The following SRSF10 variants were observed in gnomAD, a reference collection of about 807,000 sequenced individuals.
The protein encoded by SRSF10 is serine and arginine rich splicing factor 10.
In SRSF10, 9 loss-of-function variants were observed where a neutral mutation model predicts 32.6. That is an observed-to-expected ratio of 0.28 (90% CI 0.17 to 0.48). The LOEUF is 0.48. Ranked by LOEUF, SRSF10 falls within the 20% of genes least tolerant of loss-of-function variation. The pLI, the probability that SRSF10 is intolerant of heterozygous loss-of-function variation, is 0.99. For synonymous variants in SRSF10, 105 were observed against 112.4 expected (o/e 0.93, Z 0.42); for missense variants, 201 against 331.8 (o/e 0.61, Z 3.06).
At position 23,971,903 on chromosome 1, in the gene SRSF10, TCTC is replaced by T. The variant is rs1386595949; in HGVS notation, c.381_383del (p.Arg128del). 9.3e-6 allele frequency: 15 copies of T among 1,606,506 alleles called. No homozygotes were observed. The highest frequency in any genetic ancestry group is 4.0e-5 in the African/African-American group (3 of 74,280). Reference sequence around the variant, plus strand: ...TGTAATCAAAAGACCGACTTCTTGATCTCCTCCTTTCATAACTTCGGCTTCTAG... The same window carrying T: ...TGTAATCAAAAGACCGACTTCTTGATCTCCTTTCATAACTTCGGCTTCTAG... On this transcript the variant is annotated inframe_deletion, in exon 4 of 6. Transcript: ENST00000492112.
intron 4 of SRSF10, 28 bp downstream of exon 4, chr1:23,971,821 CA>C: frequency 6.4e-7 from 1 of 1,573,504 alleles, no homozygotes; most frequent in Non-Finnish European, 8.6e-7. Context: ...ATTTTTTAAA[CA>C]GATCACTGTG....
rs1247640823 is a variant in SRSF10, at chr1:23,971,361, T to C, written c.570A>G (p.Glu190=). The change falls in exon 6 of 6, where the codon GAA becomes GAG. Residue 190 remains glutamate (E), a synonymous_variant. Coordinates refer to ENST00000492112, the MANE Select transcript of SRSF10 (RefSeq NM_054016.4). The part of the protein sequence containing the change: ...RSRSKSQPKK[E]MKAKSRSRSA... The stretch of plus-strand genomic sequence containing the variant: ...ACCTAGAACGTGATTTAGCCTTCAT[T>C]TCTTTCTTGGGCTGGGACTTGGACC... 1 of 1,612,582 alleles carries C rather than the reference T, an allele frequency of 6.2e-7. No homozygotes were observed. The highest frequency in any genetic ancestry group is 1.7e-5 in the Admixed American group (1 of 59,996).
In SRSF10 at chr1:23,968,784, A is replaced by T. The variant is rs1010115296; in HGVS notation, c.*2358T>A. On this transcript the variant is annotated 3_prime_UTR_variant, in exon 6 of 6. Coordinates refer to ENST00000492112, the MANE Select transcript of SRSF10 (RefSeq NM_054016.4). ...ATTACTGATCCATCCAATAATGAAA[A>T]TATAAACTTGGAATTAGCTGATCCA... Among the ~76,000 whole-genome samples, 1 of 152,244 alleles carries T rather than the reference A, an allele frequency of 6.6e-6. No individual in the cohort carries two copies. The highest frequency in any genetic ancestry group is 1.9e-4 in the East Asian group (1 of 5,202).
At chr1:23,972,125 T>C (rs371700562) in intron 3 of SRSF10, 113 bp from the exon 4 acceptor site, 15,442 of 939,086 alleles carry the variant, frequency 0.016, 154 homozygotes, top group African/African-American at 0.021. Context: ...AGAGAGTATG[T>C]ATGACCCGGG....
Position 23,966,401 on chromosome 1 carries a change from A to T in SRSF10, c.*4741T>A, listed in dbSNP as rs1290778194. 1 of 152,044 alleles carries T rather than the reference A, an allele frequency of 6.6e-6. No individual in the cohort carries two copies. The highest frequency in any genetic ancestry group is 6.6e-5 in the Admixed American group (1 of 15,266). 9.4% of individuals were successfully genotyped at this position (152,044 alleles called of 1,614,324 possible). ...AATGTGATGAAATCAATGTATAGGT[A>T]AAGAAACATCATATCCTAATAAGAA... On this transcript the variant is annotated 3_prime_UTR_variant, in exon 6 of 6. Coordinates refer to ENST00000492112, the MANE Select transcript of SRSF10 (RefSeq NM_054016.4).
chr1:23,971,817 T>A (rs760141127), intron 4 of SRSF10, 33 bp downstream of exon 4: 1 of 1,573,274 alleles, frequency 6.4e-7, no homozygotes, highest in Non-Finnish European at 8.6e-7. Context: ...ATACATTTTT[T>A]AAACAGATCA....
intron 2 of SRSF10, 152 bp downstream of exon 2, chr1:23,978,561 G>A (rs1282404871): frequency 5.2e-6 from 5 of 967,938 alleles, no homozygotes; most frequent in African/African-American, 3.3e-5. Flanking sequence ...AATAACGAGA[G>A]CAATGTGTGA....
At chr1:23,974,942 G>A (rs1302204701) in intron 3 of SRSF10, 32 bp downstream of exon 3, 4 of 1,468,094 alleles carry the variant, frequency 2.7e-6, no homozygotes, top group Non-Finnish European at 3.8e-6. Context: ...AAAAAATAAT[G>A]TTTCATACAT....
At chr1:23,971,514 C>G in intron 5 of SRSF10, 59 bp downstream of exon 5, 1 of 1,590,812 alleles carries the variant, frequency 6.3e-7, no homozygotes. Context: ...ATTTTTAGAG[C>G]AAAAGTTCAC....
intron 1 of SRSF10, 34 bp downstream of exon 1, chr1:23,980,157 C>A: frequency 1.3e-6 from 2 of 1,529,580 alleles, no homozygotes; most frequent in Non-Finnish European, 1.8e-6. Flanking sequence ...TGCGGCCTCC[C>A]CGCCTAGGCC....
At chr1:23,980,026 C>A (rs370275001) in intron 1 of SRSF10, among the ~76,000 whole-genome samples, 165 bp downstream of exon 1, 2,364 of 152,354 alleles carry the variant, frequency 0.016, 26 homozygotes, top group African/African-American at 0.021. Context: ...CGCTCCCACG[C>A]GGCGGCTGAG....
In SRSF10 at chr1:23,967,985, G is replaced by C. The variant is rs1335322767; in HGVS notation, c.*3157C>G. On this transcript the variant is annotated 3_prime_UTR_variant, in exon 6 of 6. Coordinates refer to ENST00000492112, the MANE Select transcript of SRSF10 (RefSeq NM_054016.4). ...CAAAAAAAAAAAAAAAATGCAGAGA[G>C]ATCTTAAGTAAAAGGAGAGGTGAAG... The C allele has an allele frequency of 6.5e-7, 1 of 1,536,798 alleles. No individual in the cohort carries two copies. The highest frequency in any genetic ancestry group is 1.2e-5 in the South Asian group (1 of 83,612).
Position 23,967,702 on chromosome 1 carries a change from G to A in SRSF10, c.*3440C>T. 2 of 1,607,340 alleles carry A rather than the reference G, an allele frequency of 1.2e-6. No individual in the cohort carries two copies. Among genetic ancestry groups the A allele is most frequent in the Non-Finnish European group, 1.7e-6 (2 of 1,174,208 alleles). On this transcript the variant is annotated 3_prime_UTR_variant, in exon 6 of 6. Coordinates refer to ENST00000492112, the MANE Select transcript of SRSF10 (RefSeq NM_054016.4). ...AAGTGTAGTAAGCAGAACTGTACTG[G>A]GTATTCCAGCTGCAGTTTGGTCTTA...
At chr1:23,978,931 G>T in intron 1 of SRSF10, 114 bp from the exon 2 acceptor site, 1 of 883,912 alleles carries the variant, frequency 1.1e-6, no homozygotes, top group Non-Finnish European at 1.7e-6. Flanking sequence ...AGATAAAAAT[G>T]CAGTTTACAT....
chr1:23,978,698 C>CTGAA lies in SRSF10; in HGVS notation c.170+11_170+14dup. ...TCAACACCCCTCACTAATCAGCCAT[C>CTGAA]TGAAGAAAGGATATTGAACATAAGC... On this transcript the variant is annotated intron_variant, in intron 2 of 5. Transcript: ENST00000492112. The CTGAA allele has an allele frequency of 6.2e-7, 1 of 1,606,848 alleles. No homozygotes were observed. The highest frequency in any genetic ancestry group is 2.2e-5 in the East Asian group (1 of 44,708).
intron 3 of SRSF10, 113 bp downstream of exon 3, chr1:23,974,857 GAAAA>G: frequency 1.3e-6 from 1 of 752,358 alleles, no homozygotes; most frequent in South Asian, 1.7e-5. Flanking sequence ...AAGAAAGAAA[GAAAA>G]AAAAGATCCC....
intron 2 of SRSF10, chr1:23,975,870 T>C (rs1642054860): frequency 6.6e-6 from 1 of 152,346 alleles, no homozygotes; most frequent in South Asian, 2.1e-4. Flanking sequence ...GGTTTCCAAC[T>C]TGAGAATTTC....
At position 23,965,860 on chromosome 1, in the gene SRSF10, A is replaced by G. The variant is rs2148491359; in HGVS notation, c.*5282T>C. The G allele has an allele frequency of 6.6e-6, 1 of 152,066 alleles. No individual in the cohort carries two copies. Among genetic ancestry groups the G allele is most frequent in the Non-Finnish European group, 1.5e-5 (1 of 67,822 alleles). 9.4% of individuals were successfully genotyped at this position (152,066 alleles called of 1,614,324 possible). On this transcript the variant is annotated 3_prime_UTR_variant, in exon 6 of 6. Transcript: ENST00000492112. ...CCCCCTTAAATGTCTTAACTTCAAA[A>G]GGAAATGGAGAAGGGAGGTAGAGGG... is the stretch of plus-strand genomic sequence containing the variant.
chr1:23,978,121 T>G (rs1642200836), intron 2 of SRSF10: 1 of 985,360 alleles, frequency 1.0e-6, no homozygotes, highest in African/African-American at 1.7e-5. Context: ...CAGCTTTTCT[T>G]TATTTTTTCT....
Sources: gnomAD v4.1 joint callset for allele counts (sites outside exome capture counted in the v4.1 genomes callset) on GRCh38, gnomAD v4.1.1 for gene constraint, MANE v1.5 for transcripts, NCBI Gene and HGNC (gene_info 2026-07-23, HGNC 2026-07-21) for gene names.